LRRTM4: variants seen among roughly 807,000 people sequenced by gnomAD.
The protein encoded by LRRTM4 is leucine rich repeat transmembrane neuronal 4, also known as leucine-rich repeat transmembrane neuronal protein 4.
A neutral mutation model predicts 47.6 loss-of-function variants in LRRTM4; 25 were observed. The ratio of observed to expected loss-of-function variants is 0.53; its 90% confidence interval spans 0.38 to 0.73. The LOEUF is 0.73. LRRTM4 is among the 30% of genes least tolerant of loss of function. The pLI, the probability that LRRTM4 is intolerant of heterozygous loss-of-function variation, is 0.00. For missense variants in LRRTM4, 638 were observed against 713.4 expected (o/e 0.89, Z 1.20); for synonymous variants, 311 against 269.5 (o/e 1.15, Z -1.51).
In LRRTM4 at chr2:76,943,814, C is replaced by T. The variant is rs76871648; in HGVS notation, c.1552-194898G>A. Among the ~76,000 whole-genome samples the T allele has an allele frequency of 5.1e-3, 776 of 152,290 alleles. 4 individuals carry two copies. Among genetic ancestry groups the T allele is most frequent in the African/African-American group, 0.018 (744 of 41,560 alleles). On this transcript the variant is annotated intron_variant, in intron 3 of 3. Coordinates refer to ENST00000409884, the MANE Select transcript of LRRTM4 (RefSeq NM_001134745.3). ...GTGTTTAAGCCATAAATATAAGCAT[C>T]AGCCTTAATGTCTTGCTTATCTTCT...
At position 77,519,497 on chromosome 2, in the gene LRRTM4, C is replaced by G; in HGVS notation, c.372G>C (p.Leu124=). The part of the protein sequence containing the change: ...LILSSNKITY[L]HNKTFHPVPN... ...GAACTGGGTGAAATGTTTTATTGTG[C>G]AGATAAGTAATTTTGTTGGAGCTTA... The change falls in exon 3 of 4, where the codon CTG becomes CTC. Residue 124 remains leucine (L), a synonymous_variant. Transcript: ENST00000409884. The surrounding 1 kb of genome is among the most constrained non-coding windows in gnomAD (Gnocchi z 4.6). The G allele has an allele frequency of 6.2e-7, 1 of 1,613,374 alleles. No homozygotes were observed. The highest frequency in any genetic ancestry group is 8.5e-7 in the Non-Finnish European group (1 of 1,179,608).
At chr2:77,257,912 T>C (rs1482203825) in intron 3 of LRRTM4, among the ~76,000 whole-genome samples, 1 of 151,746 alleles carries the variant, frequency 6.6e-6, no homozygotes, top group Non-Finnish European at 1.5e-5. Flanking sequence ...CTGACCAACA[T>C]GGAGAAACCC....
chr2:77,434,500 T>A (rs1573409430), intron 3 of LRRTM4, among the ~76,000 whole-genome samples: 1 of 152,116 alleles, frequency 6.6e-6, no homozygotes. Context: ...CTAATTTTCT[T>A]TTAAAAACAG....
At chr2:77,075,021 A>G (rs541122888) in intron 3 of LRRTM4, among the ~76,000 whole-genome samples, 140 of 152,314 alleles carry the variant, frequency 9.2e-4, no homozygotes, top group African/African-American at 3.1e-3. Context: ...ATTTAAAACC[A>G]AAACTGTCTC....
intron 3 of LRRTM4, among the ~76,000 whole-genome samples, chr2:77,495,418 T>C (rs1010909320): frequency 1.3e-5 from 2 of 152,054 alleles, no homozygotes; most frequent in African/African-American, 2.4e-5. Flanking sequence ...GTTTATCGCT[T>C]TGTTGTTTTA....
At chr2:76,790,442 C>G (rs1674912471) in intron 3 of LRRTM4, among the ~76,000 whole-genome samples, 1 of 152,138 alleles carries the variant, frequency 6.6e-6, no homozygotes, top group Admixed American at 6.5e-5. Flanking sequence ...ATCTCAGCTT[C>G]TTACCTTTCT....
At chr2:77,155,063 G>C (rs1435925332) in intron 3 of LRRTM4, among the ~76,000 whole-genome samples, 2 of 152,060 alleles carry the variant, frequency 1.3e-5, no homozygotes, top group East Asian at 3.9e-4. Context: ...GCAAAGCTAT[G>C]TCAATTCACA....
At chr2:77,394,919 C>T (rs549996747) in intron 3 of LRRTM4, among the ~76,000 whole-genome samples, 56 of 151,928 alleles carry the variant, frequency 3.7e-4, no homozygotes, top group Middle Eastern at 3.4e-3. Flanking sequence ...GCTTGTGGAA[C>T]AGGGGGTGGA....
chr2:76,780,233 A>G (rs1223681033), intron 3 of LRRTM4, among the ~76,000 whole-genome samples: 5 of 151,368 alleles, frequency 3.3e-5, no homozygotes, highest in African/African-American at 7.3e-5. Context: ...TCTGACAATT[A>G]TTGTCTTGGA....
intron 3 of LRRTM4, among the ~76,000 whole-genome samples, chr2:77,331,331 A>G (rs1670965516): frequency 6.6e-6 from 1 of 152,184 alleles, no homozygotes; most frequent in Non-Finnish European, 1.5e-5. Context: ...TTATATATCA[A>G]TCCAAGGGAT....
intron 3 of LRRTM4, among the ~76,000 whole-genome samples, chr2:77,070,819 C>G (rs111469913): frequency 6.6e-6 from 1 of 152,018 alleles, no homozygotes; most frequent in Non-Finnish European, 1.5e-5. Flanking sequence ...TTAGTAGAGA[C>G]GGGGTTTCAC....
intron 3 of LRRTM4, among the ~76,000 whole-genome samples, chr2:77,276,871 A>C (rs1676374636): frequency 6.6e-6 from 1 of 151,474 alleles, no homozygotes; most frequent in Non-Finnish European, 1.5e-5. Context: ...GCTTCATCTG[A>C]TAAATGTTAA....
chr2:77,381,895 C>A (rs1019248181), intron 3 of LRRTM4, among the ~76,000 whole-genome samples: 1 of 151,922 alleles, frequency 6.6e-6, no homozygotes, highest in African/African-American at 2.4e-5. Context: ...AAAGAAGGAA[C>A]TTATTTATAT....
chr2:77,233,416 A>C (rs1237858096), intron 3 of LRRTM4, among the ~76,000 whole-genome samples: 1 of 152,196 alleles, frequency 6.6e-6, no homozygotes, highest in Non-Finnish European at 1.5e-5. Context: ...TAATATTGAG[A>C]TATAACATTT....
chr2:76,828,205 C>G (rs1671240052), intron 3 of LRRTM4, among the ~76,000 whole-genome samples: 1 of 151,884 alleles, frequency 6.6e-6, no homozygotes, highest in Admixed American at 6.6e-5. Flanking sequence ...ATTGCCTAAG[C>G]ATGCCGTTTA....
chr2:76,781,231 G>T (rs1674368548), intron 3 of LRRTM4, among the ~76,000 whole-genome samples: 1 of 152,256 alleles, frequency 6.6e-6, no homozygotes, highest in African/African-American at 2.4e-5. Flanking sequence ...GCCCCCAGAG[G>T]TGGAGCCTAC....
At chr2:77,226,133 G>GA (rs1674798712) in intron 3 of LRRTM4, among the ~76,000 whole-genome samples, 1 of 151,158 alleles carries the variant, frequency 6.6e-6, no homozygotes, top group Admixed American at 6.6e-5. Context: ...GTATAATTTA[G>GA]AAAACCCTAA....
intron 3 of LRRTM4, among the ~76,000 whole-genome samples, chr2:76,802,871 A>G (rs1675773823): frequency 6.6e-6 from 1 of 152,150 alleles, no homozygotes; most frequent in African/African-American, 2.4e-5. Flanking sequence ...TCATCAATAA[A>G]TAGTGTTGGG....
intron 3 of LRRTM4, among the ~76,000 whole-genome samples, chr2:77,451,787 A>G (rs1021927080): frequency 6.6e-6 from 1 of 152,152 alleles, no homozygotes; most frequent in African/African-American, 2.4e-5. Context: ...AAAAGGTGAG[A>G]AGGAGGAGGC....
Sources: allele counts gnomAD v4.1 joint callset (sites outside exome capture counted in the v4.1 genomes callset), GRCh38; gene constraint gnomAD v4.1.1; non-coding constraint Gnocchi (gnomAD v3.1); transcripts MANE v1.5; gene names NCBI Gene and HGNC (gene_info 2026-07-23, HGNC 2026-07-21).